Variants in SLC26A9 observed in about 807,000 individuals in gnomAD.
SLC26A9 encodes the protein solute carrier family 26 member 9.
A neutral mutation model predicts 87.1 loss-of-function variants in SLC26A9; 46 were observed. The ratio of observed to expected loss-of-function variants is 0.53; its 90% confidence interval spans 0.42 to 0.67. The LOEUF (loss-of-function observed/expected upper bound fraction) is 0.67, where lower values mean the gene tolerates loss of function less well. Ranked by LOEUF, SLC26A9 falls within the 30% of genes least tolerant of loss-of-function variation. SLC26A9 has a pLI of 0.00. For missense variants in SLC26A9, 927 were observed against 1,018.3 expected (o/e 0.91, Z 1.22); for synonymous variants, 437 against 409.1 (o/e 1.07, Z -0.82).
At chr1:205,924,320 G>A in intron 13 of SLC26A9, 63 bp downstream of exon 13, 1 of 1,476,492 alleles carries the variant, frequency 6.8e-7, no homozygotes, top group Non-Finnish European at 9.5e-7. Flanking sequence ...TGGCATGGAA[G>A]CCCTTTGCGG....
Position 205,934,806 on chromosome 1 carries a change from C to T in SLC26A9, c.125+890G>A, listed in dbSNP as rs549285113. Among the ~76,000 whole-genome samples the T allele has an allele frequency of 2.0e-5, 3 of 152,314 alleles. No individual in the cohort carries two copies. The South Asian group carries it at 6.2e-4, about 32-fold the overall frequency. On this transcript the variant is annotated intron_variant, in intron 2 of 20. Coordinates refer to ENST00000367135, the MANE Select transcript of SLC26A9 (RefSeq NM_052934.4). Reference sequence around the variant, plus strand: ...TGTCTGAGGAGCACAGCTGTGAGGACAGACTGTAACTGGGCAGAAATGGAG... The same window carrying T: ...TGTCTGAGGAGCACAGCTGTGAGGATAGACTGTAACTGGGCAGAAATGGAG...
rs964473767 is a variant in SLC26A9, at chr1:205,921,661, C to T, written c.1960G>A (p.Ala654Thr). Residue 654 changes from alanine to threonine, a missense_variant, in exon 17 of 21, where the codon GCC becomes ACC. Transcript: ENST00000367135. ...AAGGTGACGAAGGGTGGGACGCTGG[C>T]CAGCATGTCACTGGGCTCGCCGGGG... ...EAPGEPSDML[A>T]SVPPFVTFHT... 5 of 1,604,846 alleles carry T rather than the reference C, an allele frequency of 3.1e-6. No individual in the cohort carries two copies. The African/African-American group carries it at 4.0e-5, about 13-fold the overall frequency.
rs1174808090 is a variant in SLC26A9 at position 205,928,010 on chromosome 1, C to G, written c.993G>C (p.Lys331Asn). ...GGGAGAAGGCTGTGCCTATCATGTC[C>G]TTCCACTGTGAGACCACAGGCGACA... ...TPVSPVVSQW[K>N]DMIGTAFSLA... The change falls in exon 9 of 21, where the codon AAG becomes AAC. Residue 331 changes from lysine (K) to asparagine (N), a missense_variant. Physicochemically the swap from Lys to Asn is moderately conservative, Grantham distance 94. Transcript: ENST00000367135. The G allele has an allele frequency of 6.2e-7, 1 of 1,614,154 alleles. No homozygotes were observed. The highest frequency in any genetic ancestry group is 8.5e-7 in the Non-Finnish European group (1 of 1,180,000).
intron 6 of SLC26A9, 50 bp downstream of exon 6, chr1:205,929,841 TG>T: frequency 6.5e-7 from 1 of 1,537,420 alleles, no homozygotes; most frequent in Non-Finnish European, 8.8e-7. Context: ...ATCCTCCTCA[TG>T]TGTCTGCTGG....
intron 1 of SLC26A9, 146 bp from the exon 2 acceptor site, chr1:205,935,984 C>A (rs1189689917): frequency 2.9e-6 from 3 of 1,026,844 alleles, no homozygotes; most frequent in Non-Finnish European, 4.0e-6. Flanking sequence ...TTCCCTCTGT[C>A]AAGTTTTTCC....
chr1:205,932,613 C>T, intron 4 of SLC26A9, 89 bp downstream of exon 4: 3 of 1,085,248 alleles, frequency 2.8e-6, no homozygotes, highest in South Asian at 1.7e-5. Context: ...CAGGAGAATG[C>T]AGATGGAAAA....
chr1:205,930,707 A>C (rs982329187), intron 5 of SLC26A9, among the ~76,000 whole-genome samples: 1 of 152,048 alleles, frequency 6.6e-6, no homozygotes, highest in Non-Finnish European at 1.5e-5. Context: ...AGCCACACCA[A>C]GCCCCTTACT....
intron 9 of SLC26A9, 116 bp downstream of exon 9, chr1:205,927,786 C>T: frequency 6.6e-7 from 1 of 1,524,602 alleles, no homozygotes. Context: ...CCCCTATCCC[C>T]CACACTCGAG....
At chr1:205,927,811 C>T in intron 9 of SLC26A9, 91 bp downstream of exon 9, 2 of 1,558,772 alleles carry the variant, frequency 1.3e-6, no homozygotes, top group Non-Finnish European at 8.7e-7. Context: ...CCTGCCTCAC[C>T]TCAGCCCAAT....
rs1659224960 is a variant in SLC26A9 at position 205,929,567 on chromosome 1, C to A, written c.718-211G>T. Among the ~76,000 whole-genome samples the A allele has an allele frequency of 3.3e-5, 5 of 152,160 alleles. No individual in the cohort carries two copies. The South Asian group carries it at 1.0e-3, about 32-fold the overall frequency. On this transcript the variant is annotated intron_variant, in intron 6 of 20. Coordinates refer to ENST00000367135, the MANE Select transcript of SLC26A9 (RefSeq NM_052934.4). ...ACTTGTGCTAGAAAAGGAATGCTTT[C>A]TTTTTCTTTAGAAGAGTTTGGGCTG...
chr1:205,918,239 G>A (rs941117445), intron 19 of SLC26A9, among the ~76,000 whole-genome samples: 1 of 152,182 alleles, frequency 6.6e-6, no homozygotes, highest in Non-Finnish European at 1.5e-5. Context: ...GGGGATCTGG[G>A]CAGGGACCCC....
chr1:205,936,401 G>C (rs571495563), intron 1 of SLC26A9, among the ~76,000 whole-genome samples: 1 of 152,192 alleles, frequency 6.6e-6, no homozygotes, highest in Non-Finnish European at 1.5e-5. Flanking sequence ...GGGGGACAAT[G>C]GTGTGTGTGG....
chr1:205,915,806 A>T (rs1192898184), intron 20 of SLC26A9, among the ~76,000 whole-genome samples: 2 of 152,050 alleles, frequency 1.3e-5, no homozygotes, highest in Non-Finnish European at 2.9e-5. Context: ...TGTGCTGGAG[A>T]TTCCAAGAGG....
At chr1:205,917,237 C>T (rs1236643897) in intron 20 of SLC26A9, 46 bp downstream of exon 20, 2 of 1,604,818 alleles carry the variant, frequency 1.2e-6, no homozygotes, top group Admixed American at 1.7e-5. Flanking sequence ...CCATCCTTCC[C>T]CTCTTCGCCC....
At chr1:205,929,535 A>T (rs1025054684) in intron 6 of SLC26A9, among the ~76,000 whole-genome samples, 179 bp from the exon 7 acceptor site, 4 of 152,212 alleles carry the variant, frequency 2.6e-5, no homozygotes, top group African/African-American at 9.6e-5. Context: ...CAAAAGGCAC[A>T]TGGGGAACTT....
intron 1 of SLC26A9, among the ~76,000 whole-genome samples, chr1:205,939,095 A>G (rs1264674570): frequency 6.6e-6 from 1 of 152,238 alleles, no homozygotes; most frequent in Non-Finnish European, 1.5e-5. Flanking sequence ...GAAGGGGAGA[A>G]GGCTCTGGGA....
Position 205,914,766 on chromosome 1 carries a change from G to T in SLC26A9, c.*591C>A. 1 of 1,187,212 alleles carries T rather than the reference G, an allele frequency of 8.4e-7. No individual in the cohort carries two copies. Among genetic ancestry groups the T allele is most frequent in the Non-Finnish European group, 1.2e-6 (1 of 842,150 alleles). 73.5% of individuals were successfully genotyped at this position (1,187,212 alleles called of 1,614,324 possible). ...GGCAGCCTTGGGGATGATGGAGGGG[G>T]GGCGCATAGTTACCAAGGCCTAGAC... is the stretch of plus-strand genomic sequence containing the variant. On this transcript the variant is annotated 3_prime_UTR_variant, in exon 21 of 21. Coordinates refer to ENST00000367135, the MANE Select transcript of SLC26A9 (RefSeq NM_052934.4).
At chr1:205,942,322 G>T (rs768326859) in intron 1 of SLC26A9, among the ~76,000 whole-genome samples, 1 of 152,296 alleles carries the variant, frequency 6.6e-6, no homozygotes, top group Middle Eastern at 3.4e-3. Context: ...GTCTTGCCAG[G>T]TTCTGGATGC....
In SLC26A9 at chr1:205,932,793, C is replaced by T; in HGVS notation, c.285G>A (p.Leu95=). The T allele has an allele frequency of 6.3e-7, 1 of 1,597,768 alleles. No individual in the cohort carries two copies. The highest frequency in any genetic ancestry group is 8.5e-7 in the Non-Finnish European group (1 of 1,172,374). Residue 95 remains leucine (L), a synonymous_variant, in exon 4 of 21, where the codon CTG becomes CTA. Transcript: ENST00000367135. ...QVPQGMAFAL[L]ANLPAVNGLY... ...GGCCATTGACTGCAGGAAGGTTGGCCAGCAGAGCAAATGCCATGCCTGCAG... is the reference window on the plus strand; with the variant it reads ...GGCCATTGACTGCAGGAAGGTTGGCTAGCAGAGCAAATGCCATGCCTGCAG...
Sources: allele counts gnomAD v4.1 joint callset (sites outside exome capture counted in the v4.1 genomes callset), GRCh38; gene constraint gnomAD v4.1.1; transcripts MANE v1.5; gene names NCBI Gene and HGNC (gene_info 2026-07-23, HGNC 2026-07-21).